The following RCOR1 variants were observed in gnomAD, a reference collection of about 807,000 sequenced individuals.
The protein encoded by RCOR1 is REST corepressor 1.
A neutral mutation model predicts 64.0 loss-of-function variants in RCOR1; 12 were observed. The ratio of observed to expected loss-of-function variants is 0.19; its 90% CI spans 0.12 to 0.30. The LOEUF (loss-of-function observed/expected upper bound fraction) is 0.30. Ranked by LOEUF, RCOR1 falls within the 10% of genes least tolerant of loss-of-function variation. The pLI is 1.00. For missense variants in RCOR1, 502 were observed against 621.2 expected (o/e 0.81, Z 2.04); for synonymous variants, 279 against 227.2 (o/e 1.23, Z -2.05).
rs149946426 is a variant in RCOR1, at chr14:102,708,722, C to T, written c.779+139C>T. ...CACATGTTCATGAGATGTATTAGAG[C>T]GTGTCACATTATTCAGGTATTTTTT... On this transcript the variant is annotated intron_variant, in intron 6 of 11. Coordinates refer to ENST00000262241, the MANE Select transcript of RCOR1 (RefSeq NM_015156.4). 80 of 525,714 alleles carry T rather than the reference C, an allele frequency of 1.5e-4. 2 individuals carry two copies. Among genetic ancestry groups the T allele is most frequent in the South Asian group, 4.4e-4 (15 of 34,436 alleles). The allele number at this position is 525,714 out of a possible 1,614,324, so 32.6% of individuals were successfully genotyped here.
intron 2 of RCOR1, among the ~76,000 whole-genome samples, chr14:102,632,799 G>GTCTCTCC (rs1894155612): frequency 9.5e-6 from 1 of 104,932 alleles, no homozygotes; most frequent in Non-Finnish European, 1.8e-5. Context: ...CTCCTCTCTC[G>GTCTCTCC]TCTCTCCTCT....
chr14:102,607,805 C>T (rs922283913), intron 2 of RCOR1, among the ~76,000 whole-genome samples: 1 of 152,298 alleles, frequency 6.6e-6, no homozygotes, highest in East Asian at 1.9e-4. Context: ...TCGCTTGAAC[C>T]CGGGAGGTGG....
At position 102,726,955 on chromosome 14, in the gene RCOR1, A is replaced by G. The variant is rs1269080988; in HGVS notation, c.*449A>G. 6.2e-6 allele frequency: 1 copy of G among 161,732 alleles called. No individual in the cohort carries two copies. Among genetic ancestry groups the G allele is most frequent in the African/African-American group, 2.4e-5 (1 of 41,698 alleles). The allele number at this position is 161,732 out of a possible 1,614,324, so 10.0% of individuals were successfully genotyped here. On this transcript the variant is annotated 3_prime_UTR_variant, in exon 12 of 12. Transcript: ENST00000262241. ...CCGCGACCCTGTTGGCCTTCTAGAAAGTTTCTTTTGTTCTTTTCTGAGACA... is the reference window on the plus strand; with the variant it reads ...CCGCGACCCTGTTGGCCTTCTAGAAGGTTTCTTTTGTTCTTTTCTGAGACA...
chr14:102,725,902 A>G (rs1896248978), intron 11 of RCOR1, among the ~76,000 whole-genome samples: 1 of 152,156 alleles, frequency 6.6e-6, no homozygotes, highest in Admixed American at 6.5e-5. Context: ...ATCCTGGTGA[A>G]GTAGGTATTA....
intron 2 of RCOR1, among the ~76,000 whole-genome samples, chr14:102,636,649 G>A (rs899849767): frequency 5.9e-5 from 9 of 151,704 alleles, no homozygotes; most frequent in Admixed American, 1.3e-4. Flanking sequence ...ACCTTCACCC[G>A]TTTTACTGAG....
At chr14:102,649,031 G>A (rs1338678330) in intron 2 of RCOR1, among the ~76,000 whole-genome samples, 1 of 148,010 alleles carries the variant, frequency 6.8e-6, no homozygotes, top group Admixed American at 6.9e-5. Context: ...GTGAATTAGT[G>A]ATACATATAC....
At chr14:102,636,816 C>A (rs1894249453) in intron 2 of RCOR1, among the ~76,000 whole-genome samples, 1 of 151,674 alleles carries the variant, frequency 6.6e-6, no homozygotes, top group South Asian at 2.1e-4. Flanking sequence ...ACTACAAATA[C>A]AAAAATTAGC....
At chr14:102,616,206 ATG>A (rs56991991) in intron 2 of RCOR1, among the ~76,000 whole-genome samples, 4,960 of 149,118 alleles carry the variant, frequency 0.033, 79 homozygotes, top group East Asian at 0.05. Flanking sequence ...ACATGTGTAT[ATG>A]TGTGTGTGTG....
intron 2 of RCOR1, chr14:102,657,913 C>G (rs2139936968): frequency 1.0e-6 from 1 of 983,970 alleles, no homozygotes; most frequent in South Asian, 4.7e-5. Flanking sequence ...TATATTGCCT[C>G]TCTGAAACAA....
chr14:102,639,789 T>C, intron 2 of RCOR1, among the ~76,000 whole-genome samples: 1 of 149,960 alleles, frequency 6.7e-6, no homozygotes, highest in African/African-American at 2.5e-5. Context: ...CACCTCAGCC[T>C]CCCAAAGTGC....
At position 102,662,941 on chromosome 14, in the gene RCOR1, A is replaced by AACTT. The variant is rs199630237; in HGVS notation, c.362-18952_362-18949dup. Among the ~76,000 whole-genome samples the AACTT allele has an allele frequency of 2.5e-4, 38 of 152,214 alleles. No individual in the cohort carries two copies. The East Asian group carries it at 6.4e-3, about 25-fold the overall frequency. On this transcript the variant is annotated intron_variant, in intron 2 of 11. Coordinates refer to ENST00000262241, the MANE Select transcript of RCOR1 (RefSeq NM_015156.4). The stretch of plus-strand genomic sequence containing the variant: ...GCCAAACTACCCTTCAGAAAGCCTG[A>AACTT]ACTTATTTACAGTACACTTATGGTA...
At chr14:102,623,728 C>T (rs565906729) in intron 2 of RCOR1, among the ~76,000 whole-genome samples, 19 of 151,190 alleles carry the variant, frequency 1.3e-4, no homozygotes, top group Non-Finnish European at 2.2e-4. Flanking sequence ...ATTTATTAAT[C>T]TCATGTTGAC....
At chr14:102,645,103 A>G (rs560546461) in intron 2 of RCOR1, among the ~76,000 whole-genome samples, 24 of 152,276 alleles carry the variant, frequency 1.6e-4, no homozygotes, top group Admixed American at 1.1e-3. Flanking sequence ...GTAACCTACT[A>G]CATTAGACAG....
chr14:102,722,722 G>A (rs1283202883), intron 11 of RCOR1, among the ~76,000 whole-genome samples: 1 of 152,216 alleles, frequency 6.6e-6, no homozygotes, highest in African/African-American at 2.4e-5. Flanking sequence ...AGACAGGGGA[G>A]TGGGGGCATA....
At position 102,593,745 on chromosome 14, in the gene RCOR1, C is replaced by T. The variant is rs72700676; in HGVS notation, c.361+420C>T. ...CCCCAGAGACCCCTTTCTCGGAACC[C>T]TTCCCAAAGGCTGCTCCCCACGCCT... On this transcript the variant is annotated intron_variant, in intron 2 of 11. Coordinates refer to ENST00000262241, the MANE Select transcript of RCOR1 (RefSeq NM_015156.4). Among the ~76,000 whole-genome samples the T allele has an allele frequency of 6.2e-3, 941 of 152,304 alleles. 9 individuals are homozygous for T. The highest frequency in any genetic ancestry group is 9.7e-3 in the Non-Finnish European group (659 of 68,012).
intron 3 of RCOR1, among the ~76,000 whole-genome samples, chr14:102,689,261 G>A (rs1211067265): frequency 6.6e-6 from 1 of 152,130 alleles, no homozygotes; most frequent in Non-Finnish European, 1.5e-5. Flanking sequence ...TGGTCCAAGG[G>A]TCTTAATGAA....
intron 2 of RCOR1, chr14:102,657,362 A>G: frequency 3.0e-6 from 3 of 985,310 alleles, no homozygotes; most frequent in Non-Finnish European, 3.6e-6. Flanking sequence ...TTTTAATCCT[A>G]ATTTAAGACC....
At chr14:102,624,933 C>T (rs906422450) in intron 2 of RCOR1, among the ~76,000 whole-genome samples, 1 of 152,062 alleles carries the variant, frequency 6.6e-6, no homozygotes, top group African/African-American at 2.4e-5. Context: ...TGCAGTGGCA[C>T]AATCATGGCT....
intron 2 of RCOR1, among the ~76,000 whole-genome samples, chr14:102,634,877 T>G (rs1009259885): frequency 6.6e-6 from 1 of 151,062 alleles, no homozygotes; most frequent in Non-Finnish European, 1.5e-5. Context: ...TTGTATTTTT[T>G]TTTTTTTTTA....
Sources: gnomAD v4.1 joint callset for allele counts (sites outside exome capture counted in the v4.1 genomes callset) on GRCh38, gnomAD v4.1.1 for gene constraint, MANE v1.5 for transcripts, NCBI Gene and HGNC (gene_info 2026-07-23, HGNC 2026-07-21) for gene names.